Variants in API5 observed in about 807,000 individuals in gnomAD.
API5 encodes the protein apoptosis inhibitor 5.
In API5, 6 loss-of-function variants were observed where a neutral mutation model predicts 71.9. That is an observed-to-expected ratio of 0.08 (90% CI 0.05 to 0.16). The LOEUF (loss-of-function observed/expected upper bound fraction) is 0.16, where lower values mean the gene tolerates loss of function less well. Among genes scored for constraint, API5 ranks in the 10% least tolerant of loss-of-function variants. API5 has a pLI of 1.00. For missense variants in API5, 332 were observed against 612.8 expected (o/e 0.54, Z 4.84); for synonymous variants, 189 against 221.3 (o/e 0.85, Z 1.30).
At chr11:43,314,473 CT>C (rs373191165) in intron 1 of API5, among the ~76,000 whole-genome samples, 4 of 152,298 alleles carry the variant, frequency 2.6e-5, no homozygotes, top group African/African-American at 9.6e-5. Flanking sequence ...AAAATCTACT[CT>C]TTATTTAGTA....
rs531139129 is a variant in API5, at chr11:43,315,308, A to G, written c.69+3112A>G. On this transcript the variant is annotated intron_variant, in intron 1 of 13. Transcript: ENST00000531273. ...AACCCCTTGGTACGATGTACTTACT[A>G]ATAATGCTTCAGACTTGTATTTTAT... 5.6e-4 allele frequency among the ~76,000 whole-genome samples: 86 copies of G among 152,302 alleles called. 1 individual carries two copies. The highest frequency in any genetic ancestry group is 1.8e-3 in the African/African-American group (73 of 41,562).
intron 11 of API5, 142 bp downstream of exon 11, chr11:43,330,706 C>G: frequency 1.5e-6 from 1 of 665,608 alleles, no homozygotes; most frequent in South Asian, 2.0e-5. Flanking sequence ...CAGATAGATA[C>G]AGTCTCAGAA....
rs909370434 is a variant in API5 at position 43,343,166 on chromosome 11, T to C, written c.*656T>C. The C allele has an allele frequency of 6.4e-6, 1 of 155,318 alleles. No individual in the cohort carries two copies. The highest frequency in any genetic ancestry group is 6.5e-5 in the Admixed American group (1 of 15,464). 9.6% of individuals were successfully genotyped at this position (155,318 alleles called of 1,614,324 possible). A position where few individuals can be genotyped will look rare whatever the true frequency, so the allele number is the denominator to read the frequency against. On this transcript the variant is annotated 3_prime_UTR_variant, in exon 14 of 14. Transcript: ENST00000531273. ...TACTATTTGAATAGAAATGTGTATG[T>C]ATAATATACATACATACATAAGCAT...
chr11:43,325,272 A>G (rs1855031496), intron 6 of API5, among the ~76,000 whole-genome samples: 2 of 152,208 alleles, frequency 1.3e-5, no homozygotes, highest in South Asian at 2.1e-4. Flanking sequence ...AAGTTGAAGC[A>G]AGAACAAATA....
intron 13 of API5, 98 bp from the exon 14 acceptor site, chr11:43,342,330 C>T: frequency 1.1e-6 from 1 of 938,486 alleles, no homozygotes; most frequent in African/African-American, 1.6e-5. Flanking sequence ...TCTTATAGGG[C>T]CTACTGCTGT....
chr11:43,336,455 A>T (rs1855436965), intron 13 of API5, among the ~76,000 whole-genome samples: 1 of 152,166 alleles, frequency 6.6e-6, no homozygotes, highest in African/African-American at 2.4e-5. Context: ...ACAGAAGTGG[A>T]GTCAGATGTT....
At chr11:43,317,131 A>T (rs2134341646) in intron 1 of API5, among the ~76,000 whole-genome samples, 1 of 152,344 alleles carries the variant, frequency 6.6e-6, no homozygotes, top group Middle Eastern at 3.4e-3. Flanking sequence ...AACACTCCTT[A>T]TACATAATAA....
At chr11:43,317,949 T>C (rs1854728999) in intron 1 of API5, among the ~76,000 whole-genome samples, 1 of 152,130 alleles carries the variant, frequency 6.6e-6, no homozygotes, top group African/African-American at 2.4e-5. Context: ...GTGTTGAGAT[T>C]ACAGGCATGA....
chr11:43,343,352 C>G lies in API5; in HGVS notation c.*842C>G, dbSNP rs1337761227. On this transcript the variant is annotated 3_prime_UTR_variant, in exon 14 of 14. Coordinates refer to ENST00000531273, the MANE Select transcript of API5 (RefSeq NM_001142930.2). ...AACTTGTTATTTAGGTTTTTACTCCCAGTAGCAAGGGATTCTAAGTTAGTT... is the reference window on the plus strand; with the variant it reads ...AACTTGTTATTTAGGTTTTTACTCCGAGTAGCAAGGGATTCTAAGTTAGTT... 1 of 152,262 alleles carries G rather than the reference C, an allele frequency of 6.6e-6. No individual in the cohort carries two copies. The highest frequency in any genetic ancestry group is 1.5e-5 in the Non-Finnish European group (1 of 68,014). 9.4% of individuals were successfully genotyped at this position (152,262 alleles called of 1,614,324 possible). A position where few individuals can be genotyped will look rare whatever the true frequency, so the allele number is the denominator to read the frequency against.
At chr11:43,335,235 C>CA (rs1159422000) in intron 11 of API5, 43 bp from the exon 12 acceptor site, 1 of 1,439,788 alleles carries the variant, frequency 6.9e-7, no homozygotes, top group African/African-American at 1.4e-5. Context: ...TCCCTGCCAC[C>CA]AACAAATACA....
At position 43,330,328 on chromosome 11, in the gene API5, A is replaced by G. The variant is rs1045025200; in HGVS notation, c.1222-180A>G. Reference sequence around the variant, plus strand: ...ATTATTTGCTTTCTTTGCTACATCTAGATTTGTTTAGAGTCAAGCAATAGG... The same window carrying G: ...ATTATTTGCTTTCTTTGCTACATCTGGATTTGTTTAGAGTCAAGCAATAGG... On this transcript the variant is annotated intron_variant, in intron 10 of 13. Transcript: ENST00000531273. 13 of 643,140 alleles carry G rather than the reference A, an allele frequency of 2.0e-5. No homozygotes were observed. In the African/African-American group the frequency reaches 2.0e-4, roughly 10 times the overall value. The allele number at this position is 643,140 out of a possible 1,614,324, so 39.8% of individuals were successfully genotyped here.
intron 2 of API5, among the ~76,000 whole-genome samples, chr11:43,320,345 A>G (rs1275969492): frequency 6.6e-6 from 1 of 152,010 alleles, no homozygotes; most frequent in Admixed American, 6.6e-5. Flanking sequence ...CGCCCGGCCA[A>G]TTGGAGCAAA....
Position 43,343,800 on chromosome 11 carries a change from A to C in API5, c.*1290A>C, listed in dbSNP as rs924161406. The C allele has an allele frequency of 6.6e-6, 1 of 152,596 alleles. No individual in the cohort carries two copies. The highest frequency in any genetic ancestry group is 2.1e-4 in the South Asian group (1 of 4,832). The allele number at this position is 152,596 out of a possible 1,614,324, so 9.5% of individuals were successfully genotyped here. ...TTCGTATATTTTTGTTTCACAGTTA[A>C]TCTTCCCTCCCCAAGTTTGCTATTC... On this transcript the variant is annotated 3_prime_UTR_variant, in exon 14 of 14. Transcript: ENST00000531273.
chr11:43,327,968 T>A (rs1346513868), intron 8 of API5, 90 bp downstream of exon 8: 1 of 760,308 alleles, frequency 1.3e-6, no homozygotes, highest in Non-Finnish European at 2.0e-6. Context: ...GAACCAGTTT[T>A]TGAAATTTCA....
intron 5 of API5, among the ~76,000 whole-genome samples, chr11:43,323,184 A>G (rs969380897): frequency 1.3e-5 from 2 of 151,880 alleles, no homozygotes; most frequent in African/African-American, 2.4e-5. Context: ...TACTACATGT[A>G]TATCTGTGCT....
rs2134367440 is a variant in API5, at chr11:43,330,012, G to A, written c.1175G>A (p.Arg392His). The A allele has an allele frequency of 3.7e-6, 6 of 1,613,774 alleles. No individual in the cohort carries two copies. The highest frequency in any genetic ancestry group is 5.1e-6 in the Non-Finnish European group (6 of 1,179,826). The change falls in exon 10 of 14, where the codon CGC (arginine) becomes CAC (histidine). Residue 392 changes from arginine to histidine, a missense_variant. Transcript: ENST00000531273. The stretch of plus-strand genomic sequence containing the variant: ...CTGCAAGTTTATATCAGACAACTTC[G>A]CTTAGCTCTCCAGGGTAAAACGGGT... Reference protein sequence around the residue: ...RGLQVYIRQLRLALQGKTGEA... With the variant: ...RGLQVYIRQLHLALQGKTGEA...
At chr11:43,326,458 G>T (rs1270104026) in intron 6 of API5, 49 bp from the exon 7 acceptor site, 2 of 1,148,050 alleles carry the variant, frequency 1.7e-6, no homozygotes, top group Non-Finnish European at 2.6e-6. Flanking sequence ...TATAATATTT[G>T]AGCGAATATT....
intron 7 of API5, 33 bp from the exon 8 acceptor site, chr11:43,327,755 CA>C (rs771538107): frequency 1.0e-5 from 15 of 1,503,686 alleles, no homozygotes; most frequent in Admixed American, 3.7e-5. Context: ...CTTGCTTATT[CA>C]AAAAAACAGT....
intron 1 of API5, among the ~76,000 whole-genome samples, chr11:43,314,456 C>A (rs1219354103): frequency 1.3e-5 from 2 of 152,184 alleles, no homozygotes; most frequent in Non-Finnish European, 2.9e-5. Context: ...AAATGTCTTT[C>A]ACAGCAAAAA....
Sources: allele counts gnomAD v4.1 joint callset (sites outside exome capture counted in the v4.1 genomes callset), GRCh38; gene constraint gnomAD v4.1.1; transcripts MANE v1.5; gene names NCBI Gene and HGNC (gene_info 2026-07-23, HGNC 2026-07-21).